The following ARHGAP26 variants were observed in gnomAD, a reference collection of about 807,000 sequenced individuals.
The protein encoded by ARHGAP26 is Rho GTPase activating protein 26.
In ARHGAP26, 38 loss-of-function variants were observed where a neutral mutation model predicts 104.8. The ratio of observed to expected loss-of-function variants is 0.36; its 90% CI spans 0.28 to 0.48. ARHGAP26 has a LOEUF of 0.48. Ranked by LOEUF, ARHGAP26 falls within the 20% of genes least tolerant of loss-of-function variation. ARHGAP26 has a pLI of 0.99. For synonymous variants in ARHGAP26, 341 were observed against 340.0 expected, an observed-to-expected ratio of 1.00 and a Z score of -0.03; for missense variants, 704 against 947.9, an observed-to-expected ratio of 0.74 and a Z score of 3.38.
chr5:142,809,813 A>G (rs1360136931), intron 1 of ARHGAP26, among the ~76,000 whole-genome samples: 3 of 152,138 alleles, frequency 2.0e-5, no homozygotes, highest in African/African-American at 2.4e-5. Context: ...TCATTCATCC[A>G]TTCAATACCA....
intron 17 of ARHGAP26, among the ~76,000 whole-genome samples, chr5:143,062,148 C>A (rs1294106958): frequency 1.3e-5 from 2 of 152,152 alleles, no homozygotes; most frequent in Non-Finnish European, 2.9e-5. Flanking sequence ...CTAACACAAT[C>A]AAGATATATA....
intron 22 of ARHGAP26, among the ~76,000 whole-genome samples, chr5:143,215,834 G>A (rs1374171401): frequency 6.6e-5 from 10 of 152,216 alleles, no homozygotes; most frequent in Admixed American, 2.0e-4. Context: ...TATGGATATA[G>A]CACATTTTAT....
intron 1 of ARHGAP26, among the ~76,000 whole-genome samples, chr5:142,864,437 C>A (rs191860852): frequency 8.3e-4 from 126 of 152,240 alleles, no homozygotes; most frequent in Admixed American, 3.3e-3. Flanking sequence ...ATGGTCCATC[C>A]GGGTTTTGCC....
intron 17 of ARHGAP26, among the ~76,000 whole-genome samples, chr5:143,095,198 C>G (rs1341237023): frequency 6.6e-6 from 1 of 151,096 alleles, no homozygotes; most frequent in African/African-American, 2.4e-5. Context: ...TACACAGTCA[C>G]ATACAATTTT....
intron 20 of ARHGAP26, among the ~76,000 whole-genome samples, chr5:143,152,849 C>A (rs2151013437): frequency 6.6e-6 from 1 of 152,308 alleles, no homozygotes; most frequent in African/African-American, 2.4e-5. Context: ...GCATTGGGAC[C>A]ACCAGTCAGT....
chr5:142,928,364 A>T (rs2152523924), intron 10 of ARHGAP26, among the ~76,000 whole-genome samples: 1 of 152,150 alleles, frequency 6.6e-6, no homozygotes, highest in South Asian at 2.1e-4. Flanking sequence ...CTTGTTTTGG[A>T]TTAGCTCGTT....
chr5:142,779,201 A>G (rs1276247355), intron 1 of ARHGAP26, among the ~76,000 whole-genome samples: 1 of 152,184 alleles, frequency 6.6e-6, no homozygotes, highest in Non-Finnish European at 1.5e-5. Flanking sequence ...AATTTTTACA[A>G]ATTATAGTGA....
chr5:142,784,407 G>C (rs534558738), intron 1 of ARHGAP26, among the ~76,000 whole-genome samples: 1 of 152,048 alleles, frequency 6.6e-6, no homozygotes, highest in South Asian at 2.1e-4. Context: ...GGCTTGCTTG[G>C]GATTTTGTGC....
intron 1 of ARHGAP26, among the ~76,000 whole-genome samples, chr5:142,861,852 CTGT>C (rs1402365276): frequency 6.6e-6 from 1 of 152,124 alleles, no homozygotes; most frequent in Non-Finnish European, 1.5e-5. Context: ...CGCTGGGAGT[CTGT>C]TAACCACAAA....
chr5:143,080,826 A>T (rs139324792), intron 17 of ARHGAP26, among the ~76,000 whole-genome samples: 1 of 152,180 alleles, frequency 6.6e-6, no homozygotes, highest in African/African-American at 2.4e-5. Flanking sequence ...CAGTTGCTCT[A>T]TGGCAAATGA....
intron 10 of ARHGAP26, among the ~76,000 whole-genome samples, chr5:142,914,121 C>G (rs147062379): frequency 2.0e-5 from 3 of 152,146 alleles, no homozygotes; most frequent in African/African-American, 7.2e-5. Flanking sequence ...CAGTACTCAC[C>G]CCTCCCTGGG....
intron 12 of ARHGAP26, among the ~76,000 whole-genome samples, chr5:143,022,116 G>T (rs1780421822): frequency 6.6e-6 from 1 of 152,054 alleles, no homozygotes; most frequent in East Asian, 1.9e-4. Flanking sequence ...CTGTCACCCA[G>T]GCTGGAGTGC....
intron 1 of ARHGAP26, among the ~76,000 whole-genome samples, chr5:142,813,187 C>T (rs755309995): frequency 3.9e-5 from 6 of 152,130 alleles, no homozygotes; most frequent in East Asian, 3.9e-4. Flanking sequence ...GTGATCCACC[C>T]GCCTTGGCCT....
At chr5:142,929,788 A>C (rs550896619) in intron 10 of ARHGAP26, among the ~76,000 whole-genome samples, 7 of 152,316 alleles carry the variant, frequency 4.6e-5, no homozygotes, top group Non-Finnish European at 8.8e-5. Context: ...TGAGCCCCTG[A>C]GACCTTGGTA....
At position 143,041,687 on chromosome 5, in the gene ARHGAP26, T is replaced by G. The variant is rs938296509; in HGVS notation, c.1211-129T>G. On this transcript the variant is annotated intron_variant, in intron 13 of 22. Coordinates refer to ENST00000645722, the MANE Select transcript of ARHGAP26 (RefSeq NM_001135608.3). ...GAGCTGAGCTGAGTGACAGGGGACT[T>G]TAATTAGAGCAGCTTTTAGGAGGAC... 3 of 687,472 alleles carry G rather than the reference T, an allele frequency of 4.4e-6. No homozygotes were observed. The African/African-American group carries it at 5.5e-5, about 13-fold the overall frequency. 42.6% of individuals were successfully genotyped at this position (687,472 alleles called of 1,614,324 possible).
intron 17 of ARHGAP26, among the ~76,000 whole-genome samples, chr5:143,058,792 C>A (rs1409922540): frequency 2.0e-5 from 3 of 152,176 alleles, no homozygotes; most frequent in Non-Finnish European, 4.4e-5. Flanking sequence ...TGAAGATTTC[C>A]ACCATTTCCT....
chr5:143,113,376 C>T (rs10214217), intron 17 of ARHGAP26, among the ~76,000 whole-genome samples: 7,398 of 152,226 alleles, frequency 0.049, 604 homozygotes, highest in African/African-American at 0.17. Flanking sequence ...TCCCCAGAAG[C>T]AGAGAACACT....
intron 11 of ARHGAP26, among the ~76,000 whole-genome samples, chr5:142,987,940 TA>T: frequency 6.6e-6 from 1 of 152,200 alleles, no homozygotes; most frequent in South Asian, 2.1e-4. Context: ...TCATCAGGGA[TA>T]TTGGCCTAAA....
intron 11 of ARHGAP26, among the ~76,000 whole-genome samples, chr5:142,965,975 G>A (rs982380345): frequency 6.6e-6 from 1 of 152,176 alleles, no homozygotes; most frequent in Non-Finnish European, 1.5e-5. Context: ...TTCTAAATAA[G>A]CCTTTTGTTT....
Sources: allele counts gnomAD v4.1 joint callset (sites outside exome capture counted in the v4.1 genomes callset), GRCh38; gene constraint gnomAD v4.1.1; transcripts MANE v1.5; gene names NCBI Gene and HGNC (gene_info 2026-07-23, HGNC 2026-07-21).